GABRB2: variants seen among roughly 807,000 people sequenced by gnomAD.
The protein encoded by GABRB2 is gamma-aminobutyric acid receptor subunit beta-2.
In GABRB2, 16 loss-of-function variants were observed where a neutral mutation model predicts 54.7. That is an observed-to-expected ratio of 0.29 (90% CI 0.20 to 0.44). GABRB2 has a LOEUF of 0.44. Among genes scored for constraint, GABRB2 ranks in the 20% least tolerant of loss-of-function variants. GABRB2 has a pLI of 1.00. For missense variants in GABRB2, 355 were observed against 644.0 expected (o/e 0.55, Z 4.86); for synonymous variants, 244 against 233.8 (o/e 1.04, Z -0.40).
chr5:161,544,371 C>A (rs1377683204), intron 3 of GABRB2, among the ~76,000 whole-genome samples: 2 of 152,120 alleles, frequency 1.3e-5, no homozygotes, highest in African/African-American at 4.8e-5. Context: ...AGAAAAGTCA[C>A]TGGAGGAATG....
intron 2 of GABRB2, 143 bp from the exon 3 acceptor site, chr5:161,545,437 TAAAAAAA>T (rs56952727): frequency 3.1e-6 from 1 of 323,762 alleles, no homozygotes; most frequent in East Asian, 4.9e-5. Context: ...CTTTTTTTGT[TAAAAAAA>T]AAAAAAAAAA....
intron 5 of GABRB2, among the ~76,000 whole-genome samples, chr5:161,409,591 C>T (rs572014344): frequency 1.4e-3 from 215 of 152,150 alleles, no homozygotes; most frequent in African/African-American, 4.9e-3. Flanking sequence ...AAAAAATGCT[C>T]TTATGTTCTC....
At chr5:161,513,217 G>A (rs1759834171) in intron 3 of GABRB2, among the ~76,000 whole-genome samples, 1 of 151,954 alleles carries the variant, frequency 6.6e-6, no homozygotes. Flanking sequence ...TTAACTACCT[G>A]AACTACCAAA....
chr5:161,510,319 T>A (rs1249849725), intron 3 of GABRB2, among the ~76,000 whole-genome samples: 2 of 151,890 alleles, frequency 1.3e-5, no homozygotes, highest in South Asian at 2.1e-4. Flanking sequence ...TTGCTTTGAT[T>A]TTTTAGACCG....
intron 3 of GABRB2, among the ~76,000 whole-genome samples, chr5:161,533,858 A>G (rs62381584): frequency 0.013 from 2,037 of 152,272 alleles, 23 homozygotes; most frequent in Non-Finnish European, 0.017. Context: ...GCAAATGTAG[A>G]CTATAATACT....
At chr5:161,444,706 A>G (rs1440929816) in intron 4 of GABRB2, among the ~76,000 whole-genome samples, 1 of 152,158 alleles carries the variant, frequency 6.6e-6, no homozygotes, top group Admixed American at 6.6e-5. Flanking sequence ...CAGTCTCACT[A>G]CTAATGAAGT....
intron 5 of GABRB2, among the ~76,000 whole-genome samples, chr5:161,406,755 G>C (rs1756358695): frequency 6.6e-6 from 1 of 152,018 alleles, no homozygotes; most frequent in South Asian, 2.1e-4. Context: ...ATTGGTTTCT[G>C]ATGCTGTCAC....
intron 3 of GABRB2, among the ~76,000 whole-genome samples, chr5:161,533,966 T>A (rs1175512320): frequency 1.3e-5 from 2 of 152,154 alleles, no homozygotes; most frequent in Admixed American, 1.3e-4. Flanking sequence ...GTTAATGAAG[T>A]GATAGGGATA....
At chr5:161,410,923 G>GT (rs1561640832) in intron 5 of GABRB2, 52 bp downstream of exon 5, 1 of 1,404,480 alleles carries the variant, frequency 7.1e-7, no homozygotes, top group African/African-American at 1.4e-5. Flanking sequence ...AGGCCTCTGC[G>GT]TAAGAACCTT....
intron 3 of GABRB2, among the ~76,000 whole-genome samples, chr5:161,506,352 C>A (rs1045079275): frequency 1.3e-5 from 2 of 152,034 alleles, no homozygotes; most frequent in African/African-American, 2.4e-5. Context: ...GGTAAAACTC[C>A]CATTAGGCAT....
chr5:161,394,172 A>T (rs1332023757), intron 5 of GABRB2, among the ~76,000 whole-genome samples: 2 of 152,098 alleles, frequency 1.3e-5, no homozygotes, highest in African/African-American at 4.8e-5. Flanking sequence ...TAAAAACAGC[A>T]TGAAAATACA....
intron 4 of GABRB2, among the ~76,000 whole-genome samples, chr5:161,455,911 A>G (rs1757941300): frequency 6.6e-6 from 1 of 152,182 alleles, no homozygotes; most frequent in Non-Finnish European, 1.5e-5. Context: ...TTCAATAAGC[A>G]TTGATATTTT....
chr5:161,543,271 T>C (rs1329054587), intron 3 of GABRB2, among the ~76,000 whole-genome samples: 2 of 152,230 alleles, frequency 1.3e-5, no homozygotes, highest in Admixed American at 6.5e-5. Context: ...GGTCTTGGCA[T>C]TGTTTCCACC....
chr5:161,457,312 A>C (rs1219022053), intron 4 of GABRB2, among the ~76,000 whole-genome samples: 1 of 152,220 alleles, frequency 6.6e-6, no homozygotes, highest in East Asian at 1.9e-4. Context: ...CATGAATTAA[A>C]GGTACAGCAA....
intron 4 of GABRB2, among the ~76,000 whole-genome samples, chr5:161,455,908 A>T (rs1757941141): frequency 6.6e-6 from 1 of 152,184 alleles, no homozygotes; most frequent in Non-Finnish European, 1.5e-5. Flanking sequence ...AAATTCAATA[A>T]GCATTGATAT....
intron 4 of GABRB2, among the ~76,000 whole-genome samples, chr5:161,414,083 A>C (rs1189691336): frequency 6.6e-6 from 1 of 152,246 alleles, no homozygotes; most frequent in African/African-American, 2.4e-5. Context: ...TTTTAATGAT[A>C]TAATACACTT....
intron 3 of GABRB2, among the ~76,000 whole-genome samples, chr5:161,539,636 G>A (rs58488419): frequency 0.048 from 7,329 of 152,246 alleles, 442 homozygotes; most frequent in Admixed American, 0.17. Flanking sequence ...TAAGACAGCA[G>A]CTGGAGTGGA....
chr5:161,345,131 G>A (rs188032017), intron 5 of GABRB2, among the ~76,000 whole-genome samples: 250 of 152,060 alleles, frequency 1.6e-3, no homozygotes, highest in African/African-American at 5.8e-3. Flanking sequence ...ACCATGGCAC[G>A]TGTATACCTA....
At chr5:161,438,034 T>G (rs1313467833) in intron 4 of GABRB2, among the ~76,000 whole-genome samples, 1 of 152,152 alleles carries the variant, frequency 6.6e-6, no homozygotes, top group Non-Finnish European at 1.5e-5. Flanking sequence ...TGTAGAGGGT[T>G]AGGGCCTTGA....
Sources: allele counts gnomAD v4.1 joint callset (sites outside exome capture counted in the v4.1 genomes callset), GRCh38; gene constraint gnomAD v4.1.1; transcripts MANE v1.5; gene names NCBI Gene and HGNC (gene_info 2026-07-23, HGNC 2026-07-21).